KLHL34: variants seen among roughly 807,000 people sequenced by gnomAD.
The protein encoded by KLHL34 is kelch like family member 34, also known as kelch-like protein 34.
A neutral mutation model predicts 23.8 loss-of-function variants in KLHL34; 24 were observed. The ratio of observed to expected loss-of-function variants is 1.01; its 90% CI spans 0.73 to 1.42. The LOEUF is 1.42. Ranked by LOEUF, KLHL34 falls within the 40% of genes most tolerant of loss-of-function variation. KLHL34 has a pLI of 0.00. For synonymous variants in KLHL34, 303 were observed against 287.9 expected, an observed-to-expected ratio of 1.05 and a Z score of -0.53; for missense variants, 652 against 595.1, an observed-to-expected ratio of 1.10 and a Z score of -0.99.
rs946526190 is a variant in KLHL34, at chrX:21,657,988, T to A, written c.-200A>T. The stretch of plus-strand genomic sequence containing the variant: ...CGCCCAGTGCCCCTCTCAGAGCAAA[T>A]CCAGTCTGGAAACGGTTTTCGGAGG... On this transcript the variant is annotated 5_prime_UTR_variant, in exon 1 of 1. Transcript: ENST00000379499. 5 of 560,583 alleles carry A rather than the reference T, an allele frequency of 8.9e-6. No homozygotes were observed. The highest frequency in any genetic ancestry group is 1.3e-5 in the Non-Finnish European group (5 of 382,774). The allele number at this position is 560,583 out of a possible 1,213,427, so 46.2% of individuals were successfully genotyped here.
Position 21,657,194 on chromosome X carries a change from G to A in KLHL34, c.595C>T (p.Leu199=), listed in dbSNP as rs1368661333. The change falls in exon 1 of 1, where the codon CTG becomes TTG. Residue 199 remains leucine, a synonymous_variant. Transcript: ENST00000379499. ...ARVPEARLLG[L]ALAWLRQEPT... ...TCCTGCCGCAACCAAGCTAACGCCA[G>A]GCCCAGTAGCCGGGCCTCGGGCACC... The A allele has an allele frequency of 3.3e-6, 4 of 1,202,713 alleles. No individual in the cohort carries two copies. The highest frequency in any genetic ancestry group is 4.4e-5 in the Admixed American group (2 of 45,379).
chrX:21,656,189 G>A lies in KLHL34; in HGVS notation c.1600C>T (p.Arg534Ter). The A allele has an allele frequency of 8.5e-7, 1 of 1,174,431 alleles. No homozygotes were observed. The highest frequency in any genetic ancestry group is 2.4e-4 in the Middle Eastern group (1 of 4,251). ...TCGATCTCAGAGAAGGGCTCGTATCGCCCCAGAAAAGCAAACACAGCGCCG... is the reference window on the plus strand; with the variant it reads ...TCGATCTCAGAGAAGGGCTCGTATCACCCCAGAAAAGCAAACACAGCGCCG... ...LRGAVFAFLGRYEPFSEIERY... is the reference protein window; with the variant it reads ...LRGAVFAFLG Residue 534 changes from arginine (R) to a stop codon, truncating the protein, a stop_gained, in exon 1 of 1, where the codon CGA (arginine) becomes TGA (stop). Transcript: ENST00000379499. LOFTEE classifies it high-confidence loss of function.
In KLHL34 at chrX:21,658,192, T is replaced by C. The variant is rs982270377; in HGVS notation, c.-404A>G. The C allele has an allele frequency of 7.2e-6, 1 of 138,903 alleles. No individual in the cohort carries two copies. The highest frequency in any genetic ancestry group is 3.2e-5 in the African/African-American group (1 of 31,283). The allele number at this position is 138,903 out of a possible 1,213,427, so 11.4% of individuals were successfully genotyped here. On this transcript the variant is annotated 5_prime_UTR_variant, in exon 1 of 1. Coordinates refer to ENST00000379499, the MANE Select transcript of KLHL34 (RefSeq NM_153270.3). ...CACACCATCACCTGGAAGAACCGAG[T>C]TGCCGGTGGACTCCGGGGGTGCTGG... is the stretch of plus-strand genomic sequence containing the variant.
Position 21,656,083 on chromosome X carries a change from A to T in KLHL34, c.1706T>A (p.Val569Asp), listed in dbSNP as rs776095007. ...YDRFCYGLAV[V>D]EETALLLGGL... ...GCCCAGCAGCAACGCTGTCTCCTCGACCACGGCCAGCCCATAGCAGAAGCG... is the reference window on the plus strand; with the variant it reads ...GCCCAGCAGCAACGCTGTCTCCTCGTCCACGGCCAGCCCATAGCAGAAGCG... The change falls in exon 1 of 1, where the codon GTC (valine) becomes GAC (aspartate). Residue 569 changes from valine to aspartate, a missense_variant. Coordinates refer to ENST00000379499, the MANE Select transcript of KLHL34 (RefSeq NM_153270.3). The T allele has an allele frequency of 1.3e-5, 16 of 1,185,920 alleles. No homozygotes were observed. In the South Asian group the frequency reaches 2.8e-4, roughly 21 times the overall value.
Sources: allele counts gnomAD v4.1 joint callset, GRCh38; gene constraint gnomAD v4.1.1; transcripts MANE v1.5; gene names NCBI Gene and HGNC (gene_info 2026-07-23, HGNC 2026-07-21).